Variants in NAALADL2 observed in about 807,000 individuals in gnomAD.
NAALADL2 encodes inactive N-acetylated-alpha-linked acidic dipeptidase-like protein 2.
NAALADL2 carries 76 observed loss-of-function variants against 87.2 expected under a neutral mutation model. That is an observed-to-expected ratio of 0.87 (90% CI 0.72 to 1.05). The LOEUF (loss-of-function observed/expected upper bound fraction) is 1.05, where lower values mean the gene tolerates loss of function less well. Ranked by LOEUF, NAALADL2 falls within the 50% of genes least tolerant of loss-of-function variation. The pLI is 0.00. For synonymous variants in NAALADL2, 354 were observed against 331.0 expected, an observed-to-expected ratio of 1.07 and a Z score of -0.75; for missense variants, 1,089 against 945.8, an observed-to-expected ratio of 1.15 and a Z score of -1.99.
chr3:174,476,649 A>G (rs1448512903), intron 1 of NAALADL2, among the ~76,000 whole-genome samples: 2 of 152,086 alleles, frequency 1.3e-5, no homozygotes, highest in East Asian at 1.9e-4. Context: ...TACTGTATAC[A>G]TCTTTCATGT....
intron 1 of NAALADL2, among the ~76,000 whole-genome samples, chr3:174,946,020 T>G (rs973050858): frequency 1.3e-4 from 16 of 121,020 alleles, no homozygotes; most frequent in Non-Finnish European, 3.1e-5. Context: ...TACTCCAGCC[T>G]GCGCAACAGT....
At chr3:174,901,805 T>G (rs1732342504) in intron 1 of NAALADL2, among the ~76,000 whole-genome samples, 1 of 152,168 alleles carries the variant, frequency 6.6e-6, no homozygotes, top group Non-Finnish European at 1.5e-5. Flanking sequence ...GAGCACTAAT[T>G]TGAATGCAGG....
At chr3:175,510,057 T>G (rs1006464559) in intron 9 of NAALADL2, among the ~76,000 whole-genome samples, 1 of 150,098 alleles carries the variant, frequency 6.7e-6, no homozygotes, top group Non-Finnish European at 1.5e-5. Context: ...TGTCCATGTG[T>G]TCTCATTGTT....
chr3:175,051,770 C>T (rs887971226), intron 1 of NAALADL2, among the ~76,000 whole-genome samples: 9 of 152,156 alleles, frequency 5.9e-5, no homozygotes, highest in African/African-American at 2.2e-4. Flanking sequence ...ACAAATGGTA[C>T]TTGGGATTGA....
chr3:174,992,390 G>T (rs906844951), intron 1 of NAALADL2, among the ~76,000 whole-genome samples: 3 of 151,994 alleles, frequency 2.0e-5, no homozygotes, highest in African/African-American at 7.2e-5. Flanking sequence ...TTTCTTGTCT[G>T]TTTCCAAGTC....
chr3:175,609,221 GA>G (rs1287757542), intron 10 of NAALADL2, among the ~76,000 whole-genome samples: 1 of 151,084 alleles, frequency 6.6e-6, no homozygotes, highest in African/African-American at 2.4e-5. Flanking sequence ...CAGCCAGTAG[GA>G]AAAAAAAGTG....
intron 1 of NAALADL2, among the ~76,000 whole-genome samples, chr3:175,024,268 T>A (rs976046730): frequency 6.6e-6 from 1 of 152,080 alleles, no homozygotes; most frequent in African/African-American, 2.4e-5. Flanking sequence ...CCAAGTACCC[T>A]ATGATTAATA....
chr3:175,150,521 CA>C (rs1242017592), intron 2 of NAALADL2, among the ~76,000 whole-genome samples: 1 of 152,088 alleles, frequency 6.6e-6, no homozygotes, highest in East Asian at 1.9e-4. Context: ...AGTGCACCCA[CA>C]AAAATAGTTG....
At chr3:175,168,370 G>A (rs981224891) in intron 2 of NAALADL2, among the ~76,000 whole-genome samples, 1 of 151,740 alleles carries the variant, frequency 6.6e-6, no homozygotes. Flanking sequence ...ACAAGAGGAA[G>A]CATATGCATT....
At chr3:175,021,245 T>G (rs547569769) in intron 1 of NAALADL2, among the ~76,000 whole-genome samples, 1 of 152,224 alleles carries the variant, frequency 6.6e-6, no homozygotes, top group South Asian at 2.1e-4. Flanking sequence ...ATTTGTTCCT[T>G]CATAAACAGG....
chr3:175,587,039 A>G (rs1381729237), intron 10 of NAALADL2, among the ~76,000 whole-genome samples: 1 of 152,190 alleles, frequency 6.6e-6, no homozygotes, highest in East Asian at 1.9e-4. Flanking sequence ...TCTTTGGTGA[A>G]AGGATGGTCC....
intron 1 of NAALADL2, among the ~76,000 whole-genome samples, chr3:174,885,870 C>T (rs921204116): frequency 3.7e-4 from 38 of 103,360 alleles, no homozygotes; most frequent in Admixed American, 1.3e-4. Flanking sequence ...AGAGCCAGTC[C>T]GAGTTGTTTT....
intron 1 of NAALADL2, among the ~76,000 whole-genome samples, chr3:175,070,563 A>G (rs1172141582): frequency 6.6e-6 from 1 of 152,098 alleles, no homozygotes; most frequent in Non-Finnish European, 1.5e-5. Flanking sequence ...ACTAAAGTGT[A>G]GCACATTCTG....
At chr3:175,073,329 A>G (rs772020564) in intron 1 of NAALADL2, among the ~76,000 whole-genome samples, 3 of 152,072 alleles carry the variant, frequency 2.0e-5, no homozygotes, top group Non-Finnish European at 4.4e-5. Flanking sequence ...CCCTCTAACA[A>G]AGAAGTGATT....
intron 2 of NAALADL2, among the ~76,000 whole-genome samples, chr3:174,686,658 C>G (rs1036692700): frequency 2.0e-5 from 3 of 152,016 alleles, no homozygotes; most frequent in African/African-American, 7.2e-5. Context: ...ACTATGTGAT[C>G]TTCGACAAAC....
At chr3:175,287,341 A>C (rs1170566786) in intron 4 of NAALADL2, among the ~76,000 whole-genome samples, 1 of 152,194 alleles carries the variant, frequency 6.6e-6, no homozygotes, top group Non-Finnish European at 1.5e-5. Context: ...TATAATTAAC[A>C]TCCATTTACC....
At position 175,323,089 on chromosome 3, in the gene NAALADL2, A is replaced by T. The variant is rs1173688757; in HGVS notation, c.940-1086A>T. 5.0e-3 allele frequency among the ~76,000 whole-genome samples: 740 copies of T among 147,656 alleles called. 2 individuals are homozygous for T. The highest frequency in any genetic ancestry group is 0.014 in the South Asian group (63 of 4,550). On this transcript the variant is annotated intron_variant, in intron 4 of 13. Coordinates refer to ENST00000454872, the MANE Select transcript of NAALADL2 (RefSeq NM_207015.3). The stretch of plus-strand genomic sequence containing the variant: ...AATAGCAAAGACTTGGAACCAACCC[A>T]AATGTCCAACAATGATAGACTGGAT...
At chr3:174,764,437 C>A (rs1051181709) in intron 3 of NAALADL2, among the ~76,000 whole-genome samples, 2 of 152,136 alleles carry the variant, frequency 1.3e-5, no homozygotes, top group Non-Finnish European at 1.5e-5. Context: ...TGGTGAAACC[C>A]TGTCTCTACT....
chr3:174,848,907 G>A (rs1724931844), intron 3 of NAALADL2, among the ~76,000 whole-genome samples: 1 of 152,148 alleles, frequency 6.6e-6, no homozygotes, highest in Non-Finnish European at 1.5e-5. Context: ...GTATGGTATA[G>A]CCTATTGCTC....
Sources: gnomAD v4.1 joint callset for allele counts (sites outside exome capture counted in the v4.1 genomes callset) on GRCh38, gnomAD v4.1.1 for gene constraint, MANE v1.5 for transcripts, NCBI Gene and HGNC (gene_info 2026-07-23, HGNC 2026-07-21) for gene names.